The following SKIC3 variants were observed in gnomAD, a reference collection of about 807,000 sequenced individuals.
The protein encoded by SKIC3 is superkiller complex protein 3.
chr5:95,512,927 T>A, the SKIC3 span: 2 of 322,120 alleles, frequency 6.2e-6, no homozygotes, highest in Non-Finnish European at 1.2e-5. Context: ...AAAAAAAAAA[T>A]GAATTCTACA....
the SKIC3 span, chr5:95,464,663 TG>T: frequency 2.7e-5 from 44 of 1,613,436 alleles, no homozygotes; most frequent in Admixed American, 5.0e-5. Flanking sequence ...CCATGAGTTT[TG>T]GCATTGTTTA....
chr5:95,513,344 C>G, the SKIC3 span: 1 of 482,140 alleles, frequency 2.1e-6, no homozygotes, highest in Middle Eastern at 5.9e-4. Flanking sequence ...GCTAGGACTA[C>G]AGGTATACAC....
the SKIC3 span, among the ~76,000 whole-genome samples, chr5:95,474,927 T>C: frequency 6.6e-6 from 1 of 152,242 alleles, no homozygotes; most frequent in African/African-American, 2.4e-5. Flanking sequence ...TATTATGAAA[T>C]TCTTGTAGTG....
At chr5:95,474,466 C>G in the SKIC3 span, among the ~76,000 whole-genome samples, 125 of 152,274 alleles carry the variant, frequency 8.2e-4, no homozygotes, top group Middle Eastern at 3.4e-3. Context: ...GCTTCTAGCT[C>G]GTAACATTTC....
chr5:95,503,276 C>T, the SKIC3 span, among the ~76,000 whole-genome samples: 26 of 152,250 alleles, frequency 1.7e-4, no homozygotes, highest in Admixed American at 3.9e-4. Flanking sequence ...ACTGTCTTTA[C>T]GAGCCAATTT....
chr5:95,496,240 A>G, the SKIC3 span, among the ~76,000 whole-genome samples: 1 of 151,718 alleles, frequency 6.6e-6, no homozygotes, highest in African/African-American at 2.4e-5. Flanking sequence ...CTGGTCATGA[A>G]CTCCTGACCT....
At chr5:95,540,543 C>A in the SKIC3 span, 2 of 959,424 alleles carry the variant, frequency 2.1e-6, no homozygotes, top group Non-Finnish European at 3.1e-6. Flanking sequence ...AGAAAATATA[C>A]AGGTGCAAAT....
At chr5:95,536,241 TA>T in the SKIC3 span, among the ~76,000 whole-genome samples, 1 of 152,156 alleles carries the variant, frequency 6.6e-6, no homozygotes, top group Admixed American at 6.5e-5. Context: ...TCTATTTCAT[TA>T]AAAAAGGAGA....
chr5:95,497,485 G>T, the SKIC3 span: 2 of 1,613,172 alleles, frequency 1.2e-6, no homozygotes, highest in Non-Finnish European at 1.7e-6. Flanking sequence ...GGTCACCAGG[G>T]TTGCTAAAGG....
the SKIC3 span, chr5:95,541,353 G>C: frequency 5.6e-6 from 9 of 1,613,528 alleles, no homozygotes; most frequent in Non-Finnish European, 6.8e-6. Context: ...GTTTCTTGCA[G>C]ACATCACACC....
the SKIC3 span, among the ~76,000 whole-genome samples, chr5:95,503,319 T>G: frequency 6.6e-6 from 1 of 152,158 alleles, no homozygotes; most frequent in Non-Finnish European, 1.5e-5. Context: ...GCCACTGAGA[T>G]ATCACCAAAA....
At chr5:95,471,745 C>G in the SKIC3 span, among the ~76,000 whole-genome samples, 2 of 152,262 alleles carry the variant, frequency 1.3e-5, no homozygotes, top group South Asian at 4.1e-4. Context: ...TTGCATTTAA[C>G]TGGTGCCATT....
chr5:95,532,240 G>C, the SKIC3 span, among the ~76,000 whole-genome samples: 1 of 152,116 alleles, frequency 6.6e-6, no homozygotes, highest in East Asian at 1.9e-4. Context: ...CAAAGTGTGG[G>C]TTGGTACACG....
chr5:95,479,318 T>G, the SKIC3 span, among the ~76,000 whole-genome samples: 1 of 152,192 alleles, frequency 6.6e-6, no homozygotes, highest in Non-Finnish European at 1.5e-5. Context: ...AATTTCAAAC[T>G]AAATTAAATA....
the SKIC3 span, chr5:95,530,017 G>T: frequency 1.3e-6 from 2 of 1,571,596 alleles, no homozygotes; most frequent in Non-Finnish European, 1.7e-6. Flanking sequence ...TTAAAGAAAG[G>T]CTCAAAGATA....
chr5:95,484,814 G>A, the SKIC3 span: 1 of 1,614,038 alleles, frequency 6.2e-7, no homozygotes, highest in East Asian at 2.2e-5. Flanking sequence ...CAAGGGACTG[G>A]TTGTAATTTT....
the SKIC3 span, chr5:95,469,691 TTTAAAGTTTATAATCTTTCC>T: frequency 2.0e-5 from 32 of 1,586,884 alleles, no homozygotes; most frequent in Non-Finnish European, 2.5e-5. Flanking sequence ...TGTTACAAAC[TTTAAAGTTTATAATCTTTCC>T]TTGATTATTT....
chr5:95,506,544 C>T, the SKIC3 span, among the ~76,000 whole-genome samples: 6 of 152,084 alleles, frequency 3.9e-5, no homozygotes, highest in African/African-American at 1.4e-4. Context: ...CAAAAGGTAC[C>T]CACACAACAA....
the SKIC3 span, among the ~76,000 whole-genome samples, chr5:95,490,340 G>C: frequency 2.1e-4 from 31 of 150,972 alleles, 1 homozygote; most frequent in African/African-American, 7.3e-4. Flanking sequence ...ATCTGGAAGA[G>C]AAAATACATA....
Sources: allele counts gnomAD v4.1 joint callset (sites outside exome capture counted in the v4.1 genomes callset), GRCh38; gene constraint gnomAD v4.1.1; transcripts MANE v1.5; gene names NCBI Gene and HGNC (gene_info 2026-07-23, HGNC 2026-07-21).